MBOAT2: variants seen among roughly 807,000 people sequenced by gnomAD.
The protein encoded by MBOAT2 is membrane bound glycerophospholipid O-acyltransferase 2.
Under a neutral mutation model 63.4 loss-of-function variants are expected in MBOAT2, and 28 were observed. The observed-to-expected ratio is 0.44, with a 90% CI of 0.33 to 0.61. The LOEUF (loss-of-function observed/expected upper bound fraction) is 0.61. Among genes scored for constraint, MBOAT2 ranks in the 20% least tolerant of loss-of-function variants. The pLI is 0.03. For missense variants in MBOAT2, 470 were observed against 605.8 expected (o/e 0.78, Z 2.35); for synonymous variants, 211 against 215.6 (o/e 0.98, Z 0.19).
chr2:8,878,649 G>T (rs1662878150), intron 6 of MBOAT2, among the ~76,000 whole-genome samples: 1 of 152,158 alleles, frequency 6.6e-6, no homozygotes, highest in South Asian at 2.1e-4. Flanking sequence ...GCCTAGCTTA[G>T]CATATATTAT....
chr2:8,981,738 G>C (rs917380553), intron 1 of MBOAT2, among the ~76,000 whole-genome samples: 4 of 152,186 alleles, frequency 2.6e-5, no homozygotes, highest in Non-Finnish European at 5.9e-5. Flanking sequence ...AGTGTTTATT[G>C]TTGGACTATG....
At chr2:8,863,098 C>A (rs1336931412) in intron 10 of MBOAT2, among the ~76,000 whole-genome samples, 1 of 152,112 alleles carries the variant, frequency 6.6e-6, no homozygotes, top group African/African-American at 2.4e-5. Context: ...AACACTACTC[C>A]TTCCGGCAGA....
At chr2:8,903,967 T>C (rs1573010131) in intron 4 of MBOAT2, among the ~76,000 whole-genome samples, 2 of 151,168 alleles carry the variant, frequency 1.3e-5, no homozygotes, top group Middle Eastern at 3.4e-3. Flanking sequence ...ATCAGTATCT[T>C]TTTTTTTTAT....
At chr2:8,878,351 A>T (rs535793817) in intron 6 of MBOAT2, among the ~76,000 whole-genome samples, 2 of 152,358 alleles carry the variant, frequency 1.3e-5, no homozygotes. Context: ...CCTACTGTCC[A>T]CTGTTAATGA....
At chr2:8,909,921 C>A (rs577159210) in intron 3 of MBOAT2, among the ~76,000 whole-genome samples, 1 of 152,200 alleles carries the variant, frequency 6.6e-6, no homozygotes, top group Non-Finnish European at 1.5e-5. Context: ...GTCTGTCCTG[C>A]TCCCCGTCAA....
At chr2:8,876,621 G>A (rs1256356857) in intron 7 of MBOAT2, among the ~76,000 whole-genome samples, 1 of 151,846 alleles carries the variant, frequency 6.6e-6, no homozygotes, top group East Asian at 1.9e-4. Flanking sequence ...AAGCAAAAAA[G>A]AAATGGAGGA....
At chr2:8,893,966 T>A (rs978288546) in intron 4 of MBOAT2, among the ~76,000 whole-genome samples, 14 of 152,178 alleles carry the variant, frequency 9.2e-5, no homozygotes, top group Middle Eastern at 3.4e-3. Flanking sequence ...TTTTTTTTTT[T>A]AATACTCTAA....
intron 1 of MBOAT2, among the ~76,000 whole-genome samples, chr2:8,981,953 A>G (rs1307100032): frequency 6.6e-6 from 1 of 152,194 alleles, no homozygotes; most frequent in Non-Finnish European, 1.5e-5. Flanking sequence ...TCAATGGTTA[A>G]TGAAGACAGA....
chr2:8,961,195 C>G (rs980482452), intron 1 of MBOAT2, among the ~76,000 whole-genome samples: 31 of 152,102 alleles, frequency 2.0e-4, no homozygotes, highest in African/African-American at 7.5e-4. Context: ...TATCAATGTC[C>G]AATAAAATCT....
chr2:8,856,858 A>G lies in MBOAT2; in HGVS notation c.*1821T>C, dbSNP rs1011822228. On this transcript the variant is annotated 3_prime_UTR_variant, in exon 13 of 13. Transcript: ENST00000305997. The surrounding 1 kb of genome is among the most constrained non-coding windows in gnomAD (Gnocchi z 4.2). ...GTGTGAGCCACCATGCTCAGCCAAC[A>G]TAATTTCAATGCATGGGAAAACAGA... The G allele has an allele frequency of 2.0e-5, 3 of 152,212 alleles. No homozygotes were observed. Among genetic ancestry groups the G allele is most frequent in the African/African-American group, 4.8e-5 (2 of 41,462 alleles). The allele number at this position is 152,212 out of a possible 1,614,324, so 9.4% of individuals were successfully genotyped here.
At chr2:8,917,837 G>A (rs986229790) in intron 3 of MBOAT2, among the ~76,000 whole-genome samples, 1 of 152,160 alleles carries the variant, frequency 6.6e-6, no homozygotes, top group Non-Finnish European at 1.5e-5. Flanking sequence ...CAACTCAAAT[G>A]TCCATTAATA....
chr2:8,983,107 T>C (rs191609419), intron 1 of MBOAT2, among the ~76,000 whole-genome samples: 52 of 152,298 alleles, frequency 3.4e-4, no homozygotes, highest in Admixed American at 3.0e-3. Flanking sequence ...GAGACTCCCA[T>C]CTGTGCAGAA....
chr2:8,894,738 G>A (rs1377633413), intron 4 of MBOAT2, among the ~76,000 whole-genome samples: 13 of 152,228 alleles, frequency 8.5e-5, no homozygotes, highest in African/African-American at 2.2e-4. Context: ...TGGTGTGTCC[G>A]GAGTTTGTTC....
At position 8,854,694 on chromosome 2, in the gene MBOAT2, CTAAA is replaced by C. The variant is rs1174200214; in HGVS notation, c.*3981_*3984del. On this transcript the variant is annotated 3_prime_UTR_variant, in exon 13 of 13. Transcript: ENST00000305997. ...CCAGATTTGTTCATGAATATACAAA[CTAAA>C]TACTTACAAGGTATGAACTTTAAAT... 5 of 152,146 alleles carry C rather than the reference CTAAA, an allele frequency of 3.3e-5. No individual in the cohort carries two copies. Among genetic ancestry groups the C allele is most frequent in the Non-Finnish European group, 5.9e-5 (4 of 68,014 alleles). The allele number at this position is 152,146 out of a possible 1,614,324, so 9.4% of individuals were successfully genotyped here. A position where few individuals can be genotyped will look rare whatever the true frequency, so the allele number is the denominator to read the frequency against.
chr2:8,996,966 A>G (rs1243407555), intron 1 of MBOAT2, among the ~76,000 whole-genome samples: 1 of 152,198 alleles, frequency 6.6e-6, no homozygotes, highest in African/African-American at 2.4e-5. Context: ...TGCAAGGTGC[A>G]GTGGATACAG....
intron 1 of MBOAT2, among the ~76,000 whole-genome samples, chr2:8,995,653 C>T (rs549405468): frequency 7.4e-5 from 11 of 147,862 alleles, no homozygotes; most frequent in Admixed American, 4.1e-4. Flanking sequence ...TGTAGTGGCA[C>T]GATCTTGGCT....
chr2:8,926,485 G>A (rs1666941961), intron 3 of MBOAT2, among the ~76,000 whole-genome samples: 1 of 152,234 alleles, frequency 6.6e-6, no homozygotes, highest in South Asian at 2.1e-4. Context: ...TGAAAGACCA[G>A]CCAGAATTCA....
intron 3 of MBOAT2, among the ~76,000 whole-genome samples, chr2:8,938,849 T>C (rs1667854416): frequency 6.6e-6 from 1 of 152,218 alleles, no homozygotes. Flanking sequence ...AGTCTGCCCT[T>C]GCTACCTCTT....
In MBOAT2 at chr2:8,873,128, T is replaced by C; in HGVS notation, c.863A>G (p.Tyr288Cys). 6.2e-7 allele frequency: 1 copy of C among 1,614,006 alleles called. No homozygotes were observed. The highest frequency in any genetic ancestry group is 8.5e-7 in the Non-Finnish European group (1 of 1,179,934). ...CTTACCTAGCGTCCATGCAAAATAGTATTTGGGTCTGGCAGCCAAAAGAGA... is the reference window on the plus strand; with the variant it reads ...CTTACCTAGCGTCCATGCAAAATAGCATTTGGGTCTGGCAGCCAAAAGAGA... ...YISLLAARPK[Y>C]YFAWTLADAI... Residue 288 changes from tyrosine to cysteine, a missense_variant, in exon 8 of 13, where the codon TAC becomes TGC. By Grantham distance (194) the Tyr-to-Cys change is radical. Transcript: ENST00000305997.
Sources: allele counts gnomAD v4.1 joint callset (sites outside exome capture counted in the v4.1 genomes callset), GRCh38; gene constraint gnomAD v4.1.1; non-coding constraint Gnocchi (gnomAD v3.1); transcripts MANE v1.5; gene names NCBI Gene and HGNC (gene_info 2026-07-23, HGNC 2026-07-21).